The following SP110 variants were observed in gnomAD, a reference collection of about 807,000 sequenced individuals.
SP110 encodes SP110 nuclear body protein, also known as interferon-induced protein 41, 30kD.
Under a neutral mutation model 92.7 loss-of-function variants are expected in SP110, and 62 were observed. The ratio of observed to expected loss-of-function variants is 0.67; its 90% CI spans 0.55 to 0.83. The LOEUF is 0.83. Among genes scored for constraint, SP110 ranks in the 40% least tolerant of loss-of-function variants. The probability of loss-of-function intolerance (pLI) is 0.00; values close to 1 mark genes in which losing one functional copy is unlikely to be tolerated. For synonymous variants in SP110, 273 were observed against 305.3 expected, an observed-to-expected ratio of 0.89 and a Z score of 1.10; for missense variants, 793 against 863.9, an observed-to-expected ratio of 0.92 and a Z score of 1.03.
intron 11 of SP110, among the ~76,000 whole-genome samples, chr2:230,183,861 C>T (rs371390149): frequency 3.3e-5 from 5 of 152,290 alleles, no homozygotes; most frequent in Middle Eastern, 3.4e-3. Context: ...AGCCAAATTT[C>T]CACTAATTAA....
intron 15 of SP110, 48 bp from the exon 16 acceptor site, chr2:230,172,222 G>A (rs202034660): frequency 8.1e-5 from 95 of 1,175,412 alleles, no homozygotes; most frequent in Non-Finnish European, 1.2e-4. Flanking sequence ...CCCTGGAAAT[G>A]GCCACCATTC....
Position 230,212,818 on chromosome 2 carries a change from G to T in SP110, c.526C>A (p.Pro176Thr). The T allele has an allele frequency of 6.2e-7, 1 of 1,614,116 alleles. No individual in the cohort carries two copies. The highest frequency in any genetic ancestry group is 8.5e-7 in the Non-Finnish European group (1 of 1,180,014). ...SDEILSESPS[P>T]SDPVLPLPAL... is the part of the protein sequence containing the mutation. ...GGGAGAGGCAGGACAGGGTCAGATG[G>T]GCTGGGCGACTCACTCAGGATCTCA... The change falls in exon 4 of 19, where the codon CCA becomes ACA. Residue 176 changes from proline to threonine, a missense_variant. Pro to Thr is a conservative substitution (Grantham distance 38). Coordinates refer to ENST00000258381, the MANE Select transcript of SP110 (RefSeq NM_080424.4).
intron 10 of SP110, among the ~76,000 whole-genome samples, chr2:230,195,609 C>T (rs1481574929): frequency 6.6e-6 from 1 of 152,034 alleles, no homozygotes; most frequent in South Asian, 2.1e-4. Flanking sequence ...GGATTACAGG[C>T]ATGAGCCGGC....
chr2:230,168,527 A>T lies in SP110; in HGVS notation c.*597T>A, dbSNP rs2078349085. 6.6e-6 allele frequency: 1 copy of T among 152,526 alleles called. No individual in the cohort carries two copies. Among genetic ancestry groups the T allele is most frequent in the South Asian group, 2.1e-4 (1 of 4,850 alleles). The allele number at this position is 152,526 out of a possible 1,614,324, so 9.4% of individuals were successfully genotyped here. A position where few individuals can be genotyped will look rare whatever the true frequency, so the allele number is the denominator to read the frequency against. ...ACGTGCACCTGCTGCCAACCTTAAC[A>T]TAAAAAATAATACTAAATTCCCCTG... On this transcript the variant is annotated 3_prime_UTR_variant, in exon 19 of 19. Transcript: ENST00000258381.
intron 13 of SP110, 68 bp downstream of exon 13, chr2:230,178,089 G>T: frequency 1.1e-6 from 1 of 928,290 alleles, no homozygotes; most frequent in Non-Finnish European, 1.8e-6. Context: ...ACACACACGG[G>T]TATTTTCCTC....
rs1226270857 is a variant in SP110 at position 230,166,806 on chromosome 2, G to A, written c.*2318C>T. Among the ~76,000 whole-genome samples the A allele has an allele frequency of 6.6e-6, 1 of 152,170 alleles. No homozygotes were observed. The highest frequency in any genetic ancestry group is 2.4e-5 in the African/African-American group (1 of 41,440). ...ATGGGATGGGATGGGAATTAGAGGT[G>A]TATCATACATATAAATCATGTATCA... is the stretch of plus-strand genomic sequence containing the variant. On this transcript the variant is annotated 3_prime_UTR_variant, in exon 19 of 19. Transcript: ENST00000258381.
At chr2:230,195,004 T>TAAACACCA (rs1489626022) in intron 10 of SP110, among the ~76,000 whole-genome samples, 2 of 151,908 alleles carry the variant, frequency 1.3e-5, no homozygotes, top group Non-Finnish European at 1.5e-5. Context: ...AGGGGCCTGA[T>TAAACACCA]AAACACCAAG....
At chr2:230,224,435 G>A (rs1442526526), upstream of SP110, among the ~76,000 whole-genome samples, 1 of 137,014 alleles carries the variant, frequency 7.3e-6, no homozygotes, top group South Asian at 2.6e-4. Flanking sequence ...AAGAGGGAGG[G>A]AGAGGGAGGG....
intron 2 of SP110, among the ~76,000 whole-genome samples, chr2:230,215,812 A>G (rs561322919): frequency 6.6e-6 from 1 of 152,336 alleles, no homozygotes; most frequent in Admixed American, 6.5e-5. Flanking sequence ...ATAAACACAA[A>G]TAAATACCCA....
At position 230,212,906 on chromosome 2, in the gene SP110, T is replaced by A; in HGVS notation, c.438A>T (p.Gln146His). 1 of 1,613,788 alleles carries A rather than the reference T, an allele frequency of 6.2e-7. No homozygotes were observed. The highest frequency in any genetic ancestry group is 1.1e-5 in the South Asian group (1 of 91,048). Reference protein sequence around the residue: ...PLALPPPQPPQPSCSPCAPRV... With the variant: ...PLALPPPQPPHPSCSPCAPRV... ...TTGGCGCACAGGGTGAACAGCTTGGTTGAGGGGGTTGTGGTGGGGGCAGCG... is the reference window on the plus strand; with the variant it reads ...TTGGCGCACAGGGTGAACAGCTTGGATGAGGGGGTTGTGGTGGGGGCAGCG... Residue 146 changes from glutamine (Q) to histidine (H), a missense_variant, in exon 4 of 19, where the codon CAA becomes CAT. Physicochemically the swap from Gln to His is conservative, Grantham distance 24. Coordinates refer to ENST00000258381, the MANE Select transcript of SP110 (RefSeq NM_080424.4).
Position 230,180,080 on chromosome 2 carries a change from C to T in SP110, c.1349-1825G>A, listed in dbSNP as rs77812157. Among the ~76,000 whole-genome samples, 1,227 of 152,234 alleles carry T rather than the reference C, an allele frequency of 8.1e-3. 16 individuals are homozygous for T. Among genetic ancestry groups the T allele is most frequent in the African/African-American group, 0.028 (1,162 of 41,526 alleles). On this transcript the variant is annotated intron_variant, in intron 12 of 18. Transcript: ENST00000258381. ...GTGGGGGATGCTTGGGGCTCTCTAA[C>T]GGCAGCTGGCTTGTTTGAAAGGTGA... is the stretch of plus-strand genomic sequence containing the variant.
At chr2:230,172,770 G>A (rs951839294) in intron 15 of SP110, 74 bp downstream of exon 15, 17 of 1,011,816 alleles carry the variant, frequency 1.7e-5, no homozygotes, top group African/African-American at 3.2e-5. Context: ...CCTCGTCCCC[G>A]ACGCTCACAG....
At chr2:230,218,608 G>C (rs1014698782) in intron 1 of SP110, among the ~76,000 whole-genome samples, 1 of 152,152 alleles carries the variant, frequency 6.6e-6, no homozygotes, top group Non-Finnish European at 1.5e-5. Flanking sequence ...AGAACAGGAA[G>C]TCTAGAGCTT....
At chr2:230,217,590 C>T (rs1286812320) in intron 1 of SP110, among the ~76,000 whole-genome samples, 1 of 152,194 alleles carries the variant, frequency 6.6e-6, no homozygotes, top group East Asian at 1.9e-4. Flanking sequence ...TTTCATAAAA[C>T]CCTTGCGAGG....
chr2:230,203,461 C>G (rs2043398571), intron 8 of SP110: 1 of 152,436 alleles, frequency 6.6e-6, no homozygotes, highest in Admixed American at 6.5e-5. Context: ...AGGCCACTTC[C>G]GGAGGAAAAG....
At chr2:230,196,820 G>A (rs1007533231) in intron 10 of SP110, among the ~76,000 whole-genome samples, 4 of 151,810 alleles carry the variant, frequency 2.6e-5, no homozygotes, top group African/African-American at 9.7e-5. Context: ...GCAATAGTTT[G>A]CAGAGAATGA....
chr2:230,212,286 A>G (rs2044575707), intron 5 of SP110, 61 bp downstream of exon 5: 2 of 1,237,784 alleles, frequency 1.6e-6, no homozygotes, highest in Non-Finnish European at 2.4e-6. Flanking sequence ...TGGTTGGCAG[A>G]CGCATGTTCT....
At chr2:230,220,151 G>C (rs1559189116), upstream of SP110, 1 of 898,524 alleles carries the variant, frequency 1.1e-6, no homozygotes, top group Non-Finnish European at 1.3e-6. Context: ...GGGGTTTGGG[G>C]GAGGGCGTGT....
At chr2:230,216,662 A>C in intron 2 of SP110, 119 bp downstream of exon 2, 1 of 1,219,620 alleles carries the variant, frequency 8.2e-7, no homozygotes, top group South Asian at 1.2e-5. Context: ...GTGATAATGA[A>C]CATGCCTGGG....
Sources: gnomAD v4.1 joint callset for allele counts (sites outside exome capture counted in the v4.1 genomes callset) on GRCh38, gnomAD v4.1.1 for gene constraint, MANE v1.5 for transcripts, NCBI Gene and HGNC (gene_info 2026-07-23, HGNC 2026-07-21) for gene names.